The following GALNT13 variants were observed in gnomAD, a reference collection of about 807,000 sequenced individuals.
GALNT13 encodes the protein polypeptide N-acetylgalactosaminyltransferase 13, also known as UDP-GalNAc:polypeptide N-acetylgalactosaminyltransferase 13.
A neutral mutation model predicts 64.2 loss-of-function variants in GALNT13; 28 were observed. The observed-to-expected ratio is 0.44, with a 90% CI of 0.32 to 0.60. The LOEUF is 0.60. Ranked by LOEUF, GALNT13 falls within the 20% of genes least tolerant of loss-of-function variation. The pLI, the probability that GALNT13 is intolerant of heterozygous loss-of-function variation, is 0.05. For synonymous variants in GALNT13, 214 were observed against 224.6 expected (o/e 0.95, Z 0.42); for missense variants, 577 against 669.8 (o/e 0.86, Z 1.53).
At chr2:154,368,098 T>C (rs1169397140) in intron 9 of GALNT13, among the ~76,000 whole-genome samples, 1 of 152,164 alleles carries the variant, frequency 6.6e-6, no homozygotes, top group Non-Finnish European at 1.5e-5. Flanking sequence ...AACATCTATA[T>C]ATAGCTCCAG....
chr2:154,050,444 G>C lies in GALNT13; in HGVS notation c.143-89893G>C, dbSNP rs1699537413. Among the ~76,000 whole-genome samples the C allele has an allele frequency of 2.6e-5, 4 of 152,160 alleles. No individual in the cohort carries two copies. In the South Asian group the frequency reaches 6.2e-4, roughly 24 times the overall value. ...CTTTTGTTGTTGAGAAAATGAACTTGAGGTTTCTTATTATGATGTATAATT... is the reference window on the plus strand; with the variant it reads ...CTTTTGTTGTTGAGAAAATGAACTTCAGGTTTCTTATTATGATGTATAATT... On this transcript the variant is annotated intron_variant, in intron 3 of 12. Coordinates refer to ENST00000392825, the MANE Select transcript of GALNT13 (RefSeq NM_052917.4).
the GALNT13 span, among the ~76,000 whole-genome samples, chr2:153,621,306 T>C: frequency 6.6e-6 from 1 of 152,202 alleles, no homozygotes; most frequent in Non-Finnish European, 1.5e-5. Flanking sequence ...GTTTGGGACT[T>C]TCTTTATAGT....
chr2:153,829,988 A>G, the GALNT13 span, among the ~76,000 whole-genome samples: 1 of 152,170 alleles, frequency 6.6e-6, no homozygotes, highest in African/African-American at 2.4e-5. Flanking sequence ...CTTTAAACAG[A>G]TGTGTACTAA....
chr2:153,175,986 G>A, the GALNT13 span, among the ~76,000 whole-genome samples: 1 of 152,150 alleles, frequency 6.6e-6, no homozygotes, highest in Admixed American at 6.5e-5. Context: ...AGGATCTGAG[G>A]AGGCAATGTC....
At chr2:154,333,934 T>A (rs1284948542) in intron 9 of GALNT13, among the ~76,000 whole-genome samples, 1 of 152,074 alleles carries the variant, frequency 6.6e-6, no homozygotes, top group Non-Finnish European at 1.5e-5. Flanking sequence ...TCGTGGAAGA[T>A]AATGTCAAAC....
chr2:153,190,525 A>G, the GALNT13 span, among the ~76,000 whole-genome samples: 1 of 152,114 alleles, frequency 6.6e-6, no homozygotes, highest in Non-Finnish European at 1.5e-5. Flanking sequence ...TGATGCCTCT[A>G]GTTTTGTTCT....
At chr2:153,908,107 G>C (rs187261988) in intron 2 of GALNT13, among the ~76,000 whole-genome samples, 239 of 152,132 alleles carry the variant, frequency 1.6e-3, no homozygotes, top group Middle Eastern at 3.4e-3. Context: ...ATTCTGACTG[G>C]TGTAAGATGG....
chr2:153,366,142 C>G, the GALNT13 span, among the ~76,000 whole-genome samples: 1 of 152,090 alleles, frequency 6.6e-6, no homozygotes, highest in African/African-American at 2.4e-5. Flanking sequence ...AACAAAGGAA[C>G]AGGAAAACCA....
intron 4 of GALNT13, among the ~76,000 whole-genome samples, chr2:154,204,906 T>A (rs983596663): frequency 6.6e-6 from 1 of 152,204 alleles, no homozygotes; most frequent in African/African-American, 2.4e-5. Context: ...TCTGTCTTAG[T>A]GTTTAATACA....
the GALNT13 span, among the ~76,000 whole-genome samples, chr2:153,248,952 C>T: frequency 1.3e-5 from 2 of 152,006 alleles, no homozygotes; most frequent in Non-Finnish European, 2.9e-5. Context: ...TGGAAGCATT[C>T]CCCTTGAAAA....
At chr2:154,450,073 C>CA (rs1303617575) in intron 12 of GALNT13, among the ~76,000 whole-genome samples, 1 of 152,078 alleles carries the variant, frequency 6.6e-6, no homozygotes, top group Non-Finnish European at 1.5e-5. Context: ...TAAGCTTTTG[C>CA]AAAAGCTTGT....
At chr2:153,129,974 G>T in the GALNT13 span, among the ~76,000 whole-genome samples, 2 of 152,110 alleles carry the variant, frequency 1.3e-5, no homozygotes, top group Non-Finnish European at 2.9e-5. Flanking sequence ...ATCAAAAGGC[G>T]GCTGTGAGGA....
chr2:154,411,607 T>C lies in GALNT13; in HGVS notation c.1395+2525T>C, dbSNP rs111739325. Among the ~76,000 whole-genome samples, 1,159 of 151,910 alleles carry C rather than the reference T, an allele frequency of 7.6e-3. 18 individuals are homozygous for C. Among genetic ancestry groups the C allele is most frequent in the African/African-American group, 0.026 (1,089 of 41,518 alleles). The stretch of plus-strand genomic sequence containing the variant: ...GAACAATATATAGTATCTGTATATT[T>C]ATATGGATGCTATGTAATCTATTAC... On this transcript the variant is annotated intron_variant, in intron 11 of 12. Coordinates refer to ENST00000392825, the MANE Select transcript of GALNT13 (RefSeq NM_052917.4).
the GALNT13 span, chr2:153,172,147 A>G: frequency 7.4e-4 from 113 of 152,342 alleles, no homozygotes; most frequent in African/African-American, 2.6e-3. Context: ...AATATAAAGC[A>G]GCACATCTCT....
chr2:153,791,563 C>T, the GALNT13 span, among the ~76,000 whole-genome samples: 2 of 152,094 alleles, frequency 1.3e-5, no homozygotes, highest in Non-Finnish European at 2.9e-5. Flanking sequence ...ATCCAGCAAT[C>T]CTATTGCTGA....
rs113116915 is a variant in GALNT13 at position 154,356,907 on chromosome 2, C to T, written c.1157-39084C>T. Reference sequence around the variant, plus strand: ...TTATGTCTTCCACTAGACTAGATACCATAGGTATCTGTTTAGGAAAAGCTT... The same window carrying T: ...TTATGTCTTCCACTAGACTAGATACTATAGGTATCTGTTTAGGAAAAGCTT... On this transcript the variant is annotated intron_variant, in intron 9 of 12. Transcript: ENST00000392825. 1.5e-3 allele frequency among the ~76,000 whole-genome samples: 228 copies of T among 151,886 alleles called. 2 individuals carry two copies. Among genetic ancestry groups the T allele is most frequent in the African/African-American group, 4.8e-3 (200 of 41,454 alleles).
At chr2:154,412,735 T>C (rs188329211) in intron 11 of GALNT13, among the ~76,000 whole-genome samples, 3 of 151,878 alleles carry the variant, frequency 2.0e-5, no homozygotes, top group African/African-American at 7.2e-5. Flanking sequence ...TAATGAAAGT[T>C]TTTGTAGCAG....
the GALNT13 span, among the ~76,000 whole-genome samples, chr2:153,586,644 AGAAG>A: frequency 6.6e-6 from 1 of 152,176 alleles, no homozygotes; most frequent in Non-Finnish European, 1.5e-5. Context: ...AAATTAACCA[AGAAG>A]CATTAAACTT....
At chr2:154,122,217 T>A (rs982227045) in intron 3 of GALNT13, among the ~76,000 whole-genome samples, 3 of 152,044 alleles carry the variant, frequency 2.0e-5, no homozygotes, top group Admixed American at 1.3e-4. Flanking sequence ...TTATTATATT[T>A]TTTTTGTGAT....
Sources: allele counts gnomAD v4.1 joint callset (sites outside exome capture counted in the v4.1 genomes callset), GRCh38; gene constraint gnomAD v4.1.1; transcripts MANE v1.5; gene names NCBI Gene and HGNC (gene_info 2026-07-23, HGNC 2026-07-21).